The following SASS6 variants were observed in gnomAD, a reference collection of about 807,000 sequenced individuals.
The protein encoded by SASS6 is spindle assembly abnormal protein 6 homolog.
A neutral mutation model predicts 94.9 loss-of-function variants in SASS6; 59 were observed. The ratio of observed to expected loss-of-function variants is 0.62; its 90% CI spans 0.50 to 0.77. The LOEUF (loss-of-function observed/expected upper bound fraction) is 0.77. Among genes scored for constraint, SASS6 ranks in the 30% least tolerant of loss-of-function variants. SASS6 has a pLI of 0.00. For synonymous variants in SASS6, 264 were observed against 270.0 expected, an observed-to-expected ratio of 0.98 and a Z score of 0.22; for missense variants, 698 against 734.1, an observed-to-expected ratio of 0.95 and a Z score of 0.57.
chr1:100,098,267 A>T (rs1049560412), intron 14 of SASS6, among the ~76,000 whole-genome samples: 2 of 152,144 alleles, frequency 1.3e-5, no homozygotes, highest in African/African-American at 2.4e-5. Context: ...AAACAAAAAA[A>T]AACGAATAAA....
At chr1:100,086,847 A>G (rs1035521183) in intron 15 of SASS6, among the ~76,000 whole-genome samples, 3 of 152,106 alleles carry the variant, frequency 2.0e-5, no homozygotes, top group African/African-American at 7.2e-5. Flanking sequence ...TGCCTGGCCT[A>G]TGATGAATTA....
At chr1:100,129,550 A>C (rs556145491) in intron 1 of SASS6, among the ~76,000 whole-genome samples, 6 of 152,350 alleles carry the variant, frequency 3.9e-5, no homozygotes, top group Admixed American at 3.9e-4. Context: ...ATGAAAACTC[A>C]GATCTTTCAC....
intron 7 of SASS6, among the ~76,000 whole-genome samples, chr1:100,112,203 A>G (rs1010289912): frequency 6.6e-5 from 10 of 152,176 alleles, no homozygotes; most frequent in Non-Finnish European, 1.5e-4. Flanking sequence ...TATTCTATAG[A>G]GGCTTAAATC....
At chr1:100,104,165 G>C (rs151245591) in intron 13 of SASS6, among the ~76,000 whole-genome samples, 1 of 152,310 alleles carries the variant, frequency 6.6e-6, no homozygotes, top group East Asian at 1.9e-4. Context: ...TGTAATTAAA[G>C]CAGCAGCAGC....
At position 100,102,993 on chromosome 1, in the gene SASS6, A is replaced by G; in HGVS notation, c.1636T>C (p.Ser546Pro). Residue 546 changes from serine (S) to proline (P), a missense_variant, in exon 14 of 17, where the codon TCT (serine) becomes CCT (proline). Physicochemically the swap from Ser to Pro is moderately conservative, Grantham distance 74. Coordinates refer to ENST00000287482, the MANE Select transcript of SASS6 (RefSeq NM_194292.3). ...AFQNTFPHSI[S>P]AKNTSHPGSG... Reference sequence around the variant, plus strand: ...CCAGGGTGGCTGGTATTTTTGGCAGATATCGAATGAGGGAAGGTATTCTGG... The same window carrying G: ...CCAGGGTGGCTGGTATTTTTGGCAGGTATCGAATGAGGGAAGGTATTCTGG... 1 of 1,612,166 alleles carries G rather than the reference A, an allele frequency of 6.2e-7. No individual in the cohort carries two copies. The highest frequency in any genetic ancestry group is 8.5e-7 in the Non-Finnish European group (1 of 1,178,438).
chr1:100,126,876 A>T (rs1183180375), intron 1 of SASS6, among the ~76,000 whole-genome samples: 2 of 152,262 alleles, frequency 1.3e-5, no homozygotes, highest in Non-Finnish European at 2.9e-5. Flanking sequence ...ATTTATTCAT[A>T]CAAAAACGTA....
At chr1:100,115,026 T>C (rs1305206055) in intron 7 of SASS6, among the ~76,000 whole-genome samples, 1 of 152,168 alleles carries the variant, frequency 6.6e-6, no homozygotes, top group Non-Finnish European at 1.5e-5. Flanking sequence ...AACAGTGAGA[T>C]ATTTTAGTTA....
Position 100,091,755 on chromosome 1 carries a change from T to C in SASS6, c.1675-3519A>G, listed in dbSNP as rs182417336. On this transcript the variant is annotated intron_variant, in intron 14 of 16. Transcript: ENST00000287482. ...AAACTTGAAGGCGGATCAATAGAAA[T>C]AATCAAATCTGAAAAACAGAAAAAA... Among the ~76,000 whole-genome samples the C allele has an allele frequency of 7.0e-4, 103 of 147,790 alleles. 2 individuals are homozygous for C. Among genetic ancestry groups the C allele is most frequent in the Admixed American group, 2.1e-3 (31 of 14,772 alleles).
chr1:100,132,675 G>C, intron 1 of SASS6, 75 bp downstream of exon 1: 1 of 1,241,970 alleles, frequency 8.1e-7, no homozygotes, highest in Non-Finnish European at 1.2e-6. Flanking sequence ...GGATCCCACG[G>C]GCCAGAACCG....
In SASS6 at chr1:100,105,864, A is replaced by AG. The variant is rs758811010; in HGVS notation, c.1447dup (p.Leu483ProfsTer30). ...TCCCAATACATCTTGCTTTCTCACT[A>AG]GCTGATTTTCATTTAGTTCTTTATT... On this transcript the variant is annotated frameshift_variant, in exon 13 of 17. Coordinates refer to ENST00000287482, the MANE Select transcript of SASS6 (RefSeq NM_194292.3). LOFTEE classifies it high-confidence loss of function. 1.2e-6 allele frequency: 2 copies of AG among 1,609,790 alleles called. No individual in the cohort carries two copies. Among genetic ancestry groups the AG allele is most frequent in the Non-Finnish European group, 1.7e-6 (2 of 1,177,352 alleles).
chr1:100,085,839 A>C (rs1651206386), intron 15 of SASS6, among the ~76,000 whole-genome samples: 1 of 152,182 alleles, frequency 6.6e-6, no homozygotes, highest in African/African-American at 2.4e-5. Context: ...GATTATAATA[A>C]AATTTTAAGA....
chr1:100,120,817 G>A (rs1654136278), intron 5 of SASS6, among the ~76,000 whole-genome samples: 1 of 152,012 alleles, frequency 6.6e-6, no homozygotes, highest in African/African-American at 2.4e-5. Context: ...TTGGGAGGCC[G>A]AGGCGGGCGG....
rs1291489886 is a variant in SASS6 at position 100,083,822 on chromosome 1, T to G, written c.*1506A>C. On this transcript the variant is annotated 3_prime_UTR_variant, in exon 17 of 17. Coordinates refer to ENST00000287482, the MANE Select transcript of SASS6 (RefSeq NM_194292.3). ...TATATGCAAAGAGATACCTATATTT[T>G]AAAAAAGAGAGCTACCTGTATGTCA... 6.6e-6 allele frequency: 1 copy of G among 151,968 alleles called. No homozygotes were observed. The highest frequency in any genetic ancestry group is 1.9e-4 in the East Asian group (1 of 5,204). 9.4% of individuals were successfully genotyped at this position (151,968 alleles called of 1,614,324 possible).
chr1:100,130,957 C>T (rs547369797), intron 1 of SASS6, among the ~76,000 whole-genome samples: 13 of 152,152 alleles, frequency 8.5e-5, no homozygotes, highest in African/African-American at 3.1e-4. Context: ...GTTTGCTGAC[C>T]CCTATTATAC....
chr1:100,120,147 T>G (rs1016345873), intron 6 of SASS6, among the ~76,000 whole-genome samples: 6 of 152,232 alleles, frequency 3.9e-5, no homozygotes, highest in African/African-American at 1.4e-4. Context: ...ATATCTTATT[T>G]AATGAAGACT....
chr1:100,112,097 GA>G (rs34549132), intron 7 of SASS6, among the ~76,000 whole-genome samples: 3 of 151,614 alleles, frequency 2.0e-5, no homozygotes, highest in Non-Finnish European at 4.4e-5. Flanking sequence ...CATTCTGGAG[GA>G]AAAAAAATAA....
intron 5 of SASS6, among the ~76,000 whole-genome samples, chr1:100,120,821 C>T (rs1210965197): frequency 5.9e-5 from 9 of 152,046 alleles, no homozygotes; most frequent in African/African-American, 9.6e-5. Flanking sequence ...GAGGCCGAGG[C>T]GGGCGGATCA....
Position 100,123,282 on chromosome 1 carries a change from A to T in SASS6, c.134T>A (p.Val45Asp), listed in dbSNP as rs746525578. Reference protein sequence around the residue: ...VSNPVHRKDLVIRLTDDTDPF... With the variant: ...VSNPVHRKDLDIRLTDDTDPF... ...ATCCGTGTCATCAGTCAGACGAATA[A>T]CTAAGTCCTAAAAGAAAGTTTGTTG... Residue 45 changes from valine (V) to aspartate (D), a missense_variant, in exon 3 of 17, where the codon GTT becomes GAT. Val to Asp is a radical substitution (Grantham distance 152). Coordinates refer to ENST00000287482, the MANE Select transcript of SASS6 (RefSeq NM_194292.3). The T allele has an allele frequency of 1.7e-5, 26 of 1,514,816 alleles. No individual in the cohort carries two copies. The highest frequency in any genetic ancestry group is 2.4e-5 in the Non-Finnish European group (26 of 1,100,830). 93.8% of individuals were successfully genotyped at this position (1,514,816 alleles called of 1,614,324 possible). A position where few individuals can be genotyped will look rare whatever the true frequency, so the allele number is the denominator to read the frequency against.
At position 100,105,781 on chromosome 1, in the gene SASS6, G is replaced by T. The variant is rs775272506; in HGVS notation, c.1531C>A (p.Pro511Thr). The change falls in exon 13 of 17, where the codon CCT becomes ACT. Residue 511 changes from proline (P) to threonine (T), a missense_variant. Physicochemically the swap from Pro to Thr is conservative, Grantham distance 38. Coordinates refer to ENST00000287482, the MANE Select transcript of SASS6 (RefSeq NM_194292.3). ...TTAAATCTTACCACATTCAGGTTAG[G>T]AGAAATTCCACTTCTGATTGTGTTG... ...SSNTIRSGIS[P>T]NLNVVDGRLT... is the part of the protein sequence containing the mutation. The T allele has an allele frequency of 1.2e-6, 2 of 1,612,636 alleles. No individual in the cohort carries two copies. Among genetic ancestry groups the T allele is most frequent in the East Asian group, 2.2e-5 (1 of 44,800 alleles).
Sources: allele counts gnomAD v4.1 joint callset (sites outside exome capture counted in the v4.1 genomes callset), GRCh38; gene constraint gnomAD v4.1.1; transcripts MANE v1.5; gene names NCBI Gene and HGNC (gene_info 2026-07-23, HGNC 2026-07-21).